The following SLC5A1 variants were observed in gnomAD, a reference collection of about 807,000 sequenced individuals.
The protein encoded by SLC5A1 is sodium/glucose cotransporter 1.
SLC5A1 carries 42 observed loss-of-function variants against 73.5 expected under a neutral mutation model. That is an observed-to-expected ratio of 0.57 (90% CI 0.45 to 0.74). SLC5A1 has a LOEUF of 0.74. SLC5A1 is among the 30% of genes least tolerant of loss of function. The pLI, the probability that SLC5A1 is intolerant of heterozygous loss-of-function variation, is 0.00. For missense variants in SLC5A1, 634 were observed against 855.4 expected, an observed-to-expected ratio of 0.74 and a Z score of 3.23; for synonymous variants, 300 against 317.4, an observed-to-expected ratio of 0.95 and a Z score of 0.58.
chr22:32,091,739 G>A lies in SLC5A1; in HGVS notation c.1257G>A (p.Glu419=). The A allele has an allele frequency of 6.2e-7, 1 of 1,613,936 alleles. No homozygotes were observed. Among genetic ancestry groups the A allele is most frequent in the Non-Finnish European group, 8.5e-7 (1 of 1,179,960 alleles). Residue 419 remains glutamate (E), a synonymous_variant, in exon 11 of 15, where the codon GAG becomes GAA. Transcript: ENST00000266088. ...CCAAGGTCCGCAAGAGAGCATCTGA[G>A]AAAGAGCTCATGATTGCCGGAAGGT... is the stretch of plus-strand genomic sequence containing the variant. The part of the protein sequence containing the change: ...IYAKVRKRAS[E]KELMIAGRLF...
At chr22:32,056,772 A>G (rs77099614) in intron 2 of SLC5A1, among the ~76,000 whole-genome samples, 6,822 of 152,224 alleles carry the variant, frequency 0.045, 207 homozygotes, top group Non-Finnish European at 0.07. Context: ...ACAAAGAAAA[A>G]TGTTTCCTGA....
At chr22:32,073,550 T>TG (rs1027183215) in intron 5 of SLC5A1, among the ~76,000 whole-genome samples, 8 of 152,084 alleles carry the variant, frequency 5.3e-5, no homozygotes, top group Non-Finnish European at 1.2e-4. Context: ...TTGGTGTTTT[T>TG]TTTGTTTGTT....
rs2149488209 is a variant in SLC5A1 at position 32,068,501 on chromosome 22, G to A, written c.378G>A (p.Val126=). Residue 126 remains valine, a synonymous_variant, in exon 5 of 15, where the codon GTG becomes GTA. Coordinates refer to ENST00000266088, the MANE Select transcript of SLC5A1 (RefSeq NM_000343.4). ...CTCCCTCGCACCCCATGCAGGTGGT[G>A]ACAATGCCAGAGTACCTGAGGAAGC... is the stretch of plus-strand genomic sequence containing the variant. ...FVPIYIKAGV[V]TMPEYLRKRF... is the part of the protein sequence containing the mutation. 4.3e-6 allele frequency: 7 copies of A among 1,612,648 alleles called. No individual in the cohort carries two copies. The highest frequency in any genetic ancestry group is 5.9e-6 in the Non-Finnish European group (7 of 1,178,666).
intron 5 of SLC5A1, among the ~76,000 whole-genome samples, chr22:32,081,324 T>C (rs2093999457): frequency 6.6e-6 from 1 of 152,096 alleles, no homozygotes; most frequent in Non-Finnish European, 1.5e-5. Context: ...GATGTTCTGG[T>C]TGTGTCTGAG....
rs572875397 is a variant in SLC5A1 at position 32,102,806 on chromosome 22, A to G, written c.1665+569A>G. ...TTTTTAAAACTTTTAGCTCCTATAT[A>G]TGGTGAGAACATGAGAAATTTGTCT... On this transcript the variant is annotated intron_variant, in intron 13 of 14. Coordinates refer to ENST00000266088, the MANE Select transcript of SLC5A1 (RefSeq NM_000343.4). Among the ~76,000 whole-genome samples, 14 of 152,254 alleles carry G rather than the reference A, an allele frequency of 9.2e-5. No individual in the cohort carries two copies. The East Asian group carries it at 2.5e-3, about 27-fold the overall frequency.
intron 2 of SLC5A1, among the ~76,000 whole-genome samples, chr22:32,060,199 A>ATATTT (rs1555962203): frequency 6.6e-5 from 9 of 136,656 alleles, no homozygotes; most frequent in Non-Finnish European, 1.3e-4. Flanking sequence ...ATATATATAT[A>ATATTT]TTTTTTTAAG....
chr22:32,074,476 C>T (rs116862462), intron 5 of SLC5A1, among the ~76,000 whole-genome samples: 6,822 of 152,094 alleles, frequency 0.045, 210 homozygotes, highest in Non-Finnish European at 0.071. Flanking sequence ...AGGCTCCTTA[C>T]CCTCGTCACC....
In SLC5A1 at chr22:32,079,220, G is replaced by A. The variant is rs574421216; in HGVS notation, c.478-2646G>A. ...CTAATGTCAGAGCACCCAGACTAGAGTGGCCTTGCTCAGCTGGAGTCAGCT... is the reference window on the plus strand; with the variant it reads ...CTAATGTCAGAGCACCCAGACTAGAATGGCCTTGCTCAGCTGGAGTCAGCT... On this transcript the variant is annotated intron_variant, in intron 5 of 14. Coordinates refer to ENST00000266088, the MANE Select transcript of SLC5A1 (RefSeq NM_000343.4). 4.6e-5 allele frequency among the ~76,000 whole-genome samples: 7 copies of A among 152,322 alleles called. No homozygotes were observed. The South Asian group carries it at 1.5e-3, about 32-fold the overall frequency.
chr22:32,066,883 A>G, intron 2 of SLC5A1, 52 bp from the exon 3 acceptor site: 1 of 1,265,192 alleles, frequency 7.9e-7, no homozygotes, highest in Non-Finnish European at 1.2e-6. Flanking sequence ...ACCCACTCTG[A>G]GTGTCCTGGG....
rs1217003407 is a variant in SLC5A1, at chr22:32,110,738, G to A, written c.*525G>A. The A allele has an allele frequency of 1.0e-5, 2 of 196,842 alleles. No individual in the cohort carries two copies. The highest frequency in any genetic ancestry group is 2.1e-5 in the Non-Finnish European group (2 of 94,876). 12.2% of individuals were successfully genotyped at this position (196,842 alleles called of 1,614,324 possible). ...GTAAACTGAGGAATGCATGGAAGCT[G>A]AGGATGGAGCTTGATGGGCTCCCTG... On this transcript the variant is annotated 3_prime_UTR_variant, in exon 15 of 15. Transcript: ENST00000266088.
At chr22:32,106,351 TTATA>T (rs1162819531) in intron 14 of SLC5A1, among the ~76,000 whole-genome samples, 1 of 152,242 alleles carries the variant, frequency 6.6e-6, no homozygotes, top group African/African-American at 2.4e-5. Flanking sequence ...TATTAGCCAT[TTATA>T]TATCATATTT....
chr22:32,043,330 G>C lies in SLC5A1; in HGVS notation c.49G>C (p.Val17Leu), dbSNP rs773194208. ...CAAGACCACCGCGGTCACCCGGCCT[G>C]TTGAGACCCACGAGCTCATTCGCAA... The part of the protein sequence containing the change: ...SPKTTAVTRP[V>L]ETHELIRNAA... The change falls in exon 1 of 15, where the codon GTT becomes CTT. Residue 17 changes from valine (V) to leucine (L), a missense_variant. Transcript: ENST00000266088. This position sits in a 1 kb window ranked among gnomAD's most constrained non-coding sequence, Gnocchi z 6.5. The C allele has an allele frequency of 6.2e-7, 1 of 1,614,228 alleles. No homozygotes were observed. The highest frequency in any genetic ancestry group is 2.2e-5 in the East Asian group (1 of 44,890).
chr22:32,095,635 T>A (rs1169516387), intron 11 of SLC5A1, among the ~76,000 whole-genome samples: 1 of 152,248 alleles, frequency 6.6e-6, no homozygotes, highest in Non-Finnish European at 1.5e-5. Context: ...GCTTTAAAGT[T>A]TCTTTTGAAA....
At chr22:32,101,757 C>T (rs2094036685) in intron 12 of SLC5A1, among the ~76,000 whole-genome samples, 1 of 152,074 alleles carries the variant, frequency 6.6e-6, no homozygotes, top group Non-Finnish European at 1.5e-5. Context: ...ACACTTTACC[C>T]CATTATATTA....
At chr22:32,088,932 GTCTC>G (rs534413007) in intron 10 of SLC5A1, among the ~76,000 whole-genome samples, 6 of 152,290 alleles carry the variant, frequency 3.9e-5, no homozygotes, top group South Asian at 2.1e-4. Flanking sequence ...CCTAATGTAT[GTCTC>G]TCTATTTTTA....
In SLC5A1 at chr22:32,066,990, C is replaced by T; in HGVS notation, c.263C>T (p.Ala88Val). Residue 88 changes from alanine (A) to valine (V), a missense_variant, in exon 3 of 15, where the codon GCC (alanine) becomes GTC (valine). Ala to Val is a moderately conservative substitution (Grantham distance 64, BLOSUM62 0). Transcript: ENST00000266088. ...GGAAGTGGCCACTTTGTGGGGCTGG[C>T]CGGGACTGGGGCAGCTTCAGGCATC... is the stretch of plus-strand genomic sequence containing the variant. ...NIGSGHFVGLAGTGAASGIAI... is the reference protein window; with the variant it reads ...NIGSGHFVGLVGTGAASGIAI... 6.2e-7 allele frequency: 1 copy of T among 1,613,748 alleles called. No homozygotes were observed. Among genetic ancestry groups the T allele is most frequent in the Non-Finnish European group, 8.5e-7 (1 of 1,179,728 alleles).
chr22:32,067,913 A>C (rs902070270), intron 3 of SLC5A1, 54 bp from the exon 4 acceptor site: 42 of 1,581,304 alleles, frequency 2.7e-5, no homozygotes, highest in Non-Finnish European at 7.0e-6. Context: ...TTCAGGTGGC[A>C]GGGATGGGCT....
chr22:32,069,061 T>C (rs1041685462), intron 5 of SLC5A1, among the ~76,000 whole-genome samples: 1 of 152,168 alleles, frequency 6.6e-6, no homozygotes, highest in Non-Finnish European at 1.5e-5. Flanking sequence ...CATATATACA[T>C]AATGGAATAC....
intron 14 of SLC5A1, among the ~76,000 whole-genome samples, chr22:32,106,546 T>C (rs1303597947): frequency 6.6e-6 from 1 of 152,152 alleles, no homozygotes; most frequent in African/African-American, 2.4e-5. Context: ...TGAGGGCAGA[T>C]GGAACCAAAG....
Sources: gnomAD v4.1 joint callset for allele counts (sites outside exome capture counted in the v4.1 genomes callset) on GRCh38, gnomAD v4.1.1 for gene constraint, Gnocchi (gnomAD v3.1) non-coding constraint, MANE v1.5 for transcripts, NCBI Gene and HGNC (gene_info 2026-07-23, HGNC 2026-07-21) for gene names.